Variants in UBE2D2 observed in about 807,000 individuals in gnomAD.
UBE2D2 encodes ubiquitin-conjugating enzyme E2 D2.
A neutral mutation model predicts 24.2 loss-of-function variants in UBE2D2; 2 were observed. That is an observed-to-expected ratio of 0.08 (90% CI 0.03 to 0.26). The LOEUF (loss-of-function observed/expected upper bound fraction) is 0.26. Ranked by LOEUF, UBE2D2 falls within the 10% of genes least tolerant of loss-of-function variation. UBE2D2 has a pLI of 1.00. For missense variants in UBE2D2, 44 were observed against 177.6 expected, an observed-to-expected ratio of 0.25 and a Z score of 4.28; for synonymous variants, 58 against 56.5, an observed-to-expected ratio of 1.03 and a Z score of -0.12.
At chr5:139,623,336 T>C (rs748474961) in intron 5 of UBE2D2, 32 bp from the exon 6 acceptor site, 1 of 1,518,476 alleles carries the variant, frequency 6.6e-7, no homozygotes, top group South Asian at 1.2e-5. Flanking sequence ...GCTTTGATCC[T>C]CTGCTAATTT....
chr5:139,588,906 G>T (rs770821216), intron 1 of UBE2D2, among the ~76,000 whole-genome samples: 1 of 152,020 alleles, frequency 6.6e-6, no homozygotes, highest in Non-Finnish European at 1.5e-5. Context: ...TAGTTCCAGC[G>T]ACTCAGCCTC....
intron 1 of UBE2D2, among the ~76,000 whole-genome samples, chr5:139,555,540 G>A (rs1372785212): frequency 6.6e-6 from 1 of 152,104 alleles, no homozygotes; most frequent in African/African-American, 2.4e-5. Flanking sequence ...CAAACTTGTA[G>A]CGTGTGGCAA....
At chr5:139,540,545 CAAAAA>C (rs540123430) in intron 1 of UBE2D2, among the ~76,000 whole-genome samples, 1 of 94,528 alleles carries the variant, frequency 1.1e-5, no homozygotes. Context: ...GACTCCATCT[CAAAAA>C]AAAAAAAAAA....
chr5:139,561,979 A>AG, intron 1 of UBE2D2, 164 bp downstream of exon 1: 1 of 1,042,252 alleles, frequency 9.6e-7, no homozygotes, highest in Non-Finnish European at 1.3e-6. Context: ...GCGCCCGTGG[A>AG]GGCCCCGGCG....
chr5:139,623,553 A>G (rs1188185433), intron 6 of UBE2D2, 92 bp downstream of exon 6: 3 of 1,024,910 alleles, frequency 2.9e-6, no homozygotes, highest in South Asian at 3.2e-5. Flanking sequence ...TATCGGCCAG[A>G]TATTTAAAGT....
intron 2 of UBE2D2, among the ~76,000 whole-genome samples, chr5:139,613,819 C>G (rs2126700914): frequency 6.6e-6 from 1 of 152,246 alleles, no homozygotes; most frequent in Admixed American, 6.5e-5. Context: ...GTAATTCCAG[C>G]TTTGGGAGGC....
upstream of UBE2D2, among the ~76,000 whole-genome samples, chr5:139,557,759 A>C (rs1011536585): frequency 8.0e-5 from 12 of 150,788 alleles, no homozygotes; most frequent in East Asian, 2.1e-4. Context: ...TAAATAAATA[A>C]ACAAACAAAC....
At position 139,616,693 on chromosome 5, in the gene UBE2D2, G is replaced by GTTAAGAGAC. The variant is rs549536843; in HGVS notation, c.304+1732_304+1740dup. 6.6e-5 allele frequency among the ~76,000 whole-genome samples: 10 copies of GTTAAGAGAC among 152,306 alleles called. No individual in the cohort carries two copies. In the East Asian group the frequency reaches 1.5e-3, roughly 23 times the overall value. ...TGTAGAGCCCAGTCTGCCAGTATGT[G>GTTAAGAGAC]TTAAGAGACTTAATCATCCATGCCC... On this transcript the variant is annotated intron_variant, in intron 5 of 6. Transcript: ENST00000398733.
At chr5:139,596,114 G>A (rs768798378) in intron 1 of UBE2D2, among the ~76,000 whole-genome samples, 36 of 151,546 alleles carry the variant, frequency 2.4e-4, no homozygotes, top group Non-Finnish European at 4.9e-4. Flanking sequence ...GGCTGGTCTC[G>A]AACTCCTGAC....
chr5:139,561,764 C>T lies in UBE2D2; in HGVS notation c.-28C>T, dbSNP rs772943768. On this transcript the variant is annotated 5_prime_UTR_variant, in exon 1 of 7. Coordinates refer to ENST00000398733, the MANE Select transcript of UBE2D2 (RefSeq NM_003339.3). ...CCCTTCCCCGCCCCCGTCCCCGCCC[C>T]GGGGGCCGCCGCCACCCGCCTCCCA... 6.7e-7 allele frequency: 1 copy of T among 1,493,582 alleles called. No homozygotes were observed. Among genetic ancestry groups the T allele is most frequent in the South Asian group, 1.3e-5 (1 of 77,120 alleles). The allele number at this position is 1,493,582 out of a possible 1,614,324, so 92.5% of individuals were successfully genotyped here. A position where few individuals can be genotyped will look rare whatever the true frequency, so the allele number is the denominator to read the frequency against.
intron 6 of UBE2D2, among the ~76,000 whole-genome samples, chr5:139,626,072 T>G (rs867524673): frequency 6.6e-6 from 1 of 151,940 alleles, no homozygotes; most frequent in Non-Finnish European, 1.5e-5. Flanking sequence ...TGGTTTTTTT[T>G]CCCCCTTTTT....
chr5:139,588,968 A>T (rs1260592932), intron 1 of UBE2D2, among the ~76,000 whole-genome samples: 1 of 151,964 alleles, frequency 6.6e-6, no homozygotes, highest in African/African-American at 2.4e-5. Context: ...TGATTTTTAA[A>T]TGTTTTGTAG....
rs1294823867 is a variant in UBE2D2 at position 139,587,702 on chromosome 5, G to T, written c.25-12670G>T. Among the ~76,000 whole-genome samples, 5 of 145,516 alleles carry T rather than the reference G, an allele frequency of 3.4e-5. No individual in the cohort carries two copies. In the East Asian group the frequency reaches 1.0e-3, roughly 29 times the overall value. On this transcript the variant is annotated intron_variant, in intron 1 of 6. Transcript: ENST00000398733. ...AAAAAAAAAAAAAAAAAACGGACCA[G>T]AAGAGTGCGGTTGCAAGATTTAATA... is the stretch of plus-strand genomic sequence containing the variant.
At chr5:139,597,949 T>C (rs973081982) in intron 1 of UBE2D2, among the ~76,000 whole-genome samples, 1 of 152,244 alleles carries the variant, frequency 6.6e-6, no homozygotes, top group Non-Finnish European at 1.5e-5. Context: ...TCGCCCAGGC[T>C]GGAGTGCAGT....
chr5:139,576,967 A>ATTTTTTTT (rs57930268), intron 1 of UBE2D2, among the ~76,000 whole-genome samples: 1 of 96,752 alleles, frequency 1.0e-5, no homozygotes, highest in African/African-American at 4.1e-5. Context: ...TTTAACTTGA[A>ATTTTTTTT]TTTTTTTTTT....
chr5:139,622,138 G>A (rs1323870976), intron 5 of UBE2D2, among the ~76,000 whole-genome samples: 1 of 152,194 alleles, frequency 6.6e-6, no homozygotes, highest in Admixed American at 6.5e-5. Flanking sequence ...TCATGGGATT[G>A]TTGTGAGACT....
chr5:139,570,656 C>T (rs1753336454), intron 1 of UBE2D2, among the ~76,000 whole-genome samples: 1 of 152,128 alleles, frequency 6.6e-6, no homozygotes, highest in South Asian at 2.1e-4. Flanking sequence ...AGACTACAGG[C>T]GCGTGCCATG....
At chr5:139,605,461 A>G (rs1463339822) in intron 2 of UBE2D2, among the ~76,000 whole-genome samples, 2 of 151,726 alleles carry the variant, frequency 1.3e-5, no homozygotes, top group Non-Finnish European at 2.9e-5. Flanking sequence ...GCTTGGTGGC[A>G]GGTGCCTGTA....
At chr5:139,563,820 A>T (rs969593603) in intron 1 of UBE2D2, among the ~76,000 whole-genome samples, 38 of 152,188 alleles carry the variant, frequency 2.5e-4, no homozygotes, top group African/African-American at 8.2e-4. Context: ...CTGTAGTCCC[A>T]GCTACTCTGG....
Sources: allele counts gnomAD v4.1 joint callset (sites outside exome capture counted in the v4.1 genomes callset), GRCh38; gene constraint gnomAD v4.1.1; transcripts MANE v1.5; gene names NCBI Gene and HGNC (gene_info 2026-07-23, HGNC 2026-07-21).